Variants in SLC25A18 observed in about 807,000 individuals in gnomAD.
SLC25A18 encodes the protein mitochondrial glutamate carrier 2.
In SLC25A18, 24 loss-of-function variants were observed where a neutral mutation model predicts 31.1. The ratio of observed to expected loss-of-function variants is 0.77; its 90% CI spans 0.56 to 1.08. The LOEUF is 1.08. Among genes scored for constraint, SLC25A18 ranks in the 50% least tolerant of loss-of-function variants. SLC25A18 has a pLI of 0.00. For synonymous variants in SLC25A18, 173 were observed against 161.9 expected, an observed-to-expected ratio of 1.07 and a Z score of -0.52; for missense variants, 371 against 418.5, an observed-to-expected ratio of 0.89 and a Z score of 0.99.
At chr22:17,573,174 G>A (rs2057143090) in intron 2 of SLC25A18, among the ~76,000 whole-genome samples, 1 of 152,086 alleles carries the variant, frequency 6.6e-6, no homozygotes, top group South Asian at 2.1e-4. Flanking sequence ...TTTAAGAAAG[G>A]GAGCAGATGT....
chr22:17,587,634 C>T (rs1246547002), intron 8 of SLC25A18, among the ~76,000 whole-genome samples: 3 of 152,176 alleles, frequency 2.0e-5, no homozygotes, highest in Non-Finnish European at 4.4e-5. Flanking sequence ...CTTCCCTTAG[C>T]CTGCCTGCCC....
intron 2 of SLC25A18, among the ~76,000 whole-genome samples, chr22:17,577,834 G>A (rs1263580607): frequency 6.6e-6 from 1 of 151,088 alleles, no homozygotes; most frequent in East Asian, 2.0e-4. Flanking sequence ...CCGCCACCAT[G>A]CCCAGCCAAT....
intron 8 of SLC25A18, 25 bp from the exon 9 acceptor site, chr22:17,587,900 A>T (rs1051701993): frequency 6.2e-7 from 1 of 1,613,754 alleles, no homozygotes; most frequent in African/African-American, 1.3e-5. Flanking sequence ...CTCGGAGCTC[A>T]GTGTTTCTCC....
At chr22:17,566,253 T>G (rs1022955089) in intron 1 of SLC25A18, among the ~76,000 whole-genome samples, 6 of 152,132 alleles carry the variant, frequency 3.9e-5, no homozygotes, top group Non-Finnish European at 8.8e-5. Context: ...ACCTACCCCC[T>G]GCTTCTAACA....
chr22:17,586,886 C>G (rs1345435821), intron 7 of SLC25A18, among the ~76,000 whole-genome samples: 1 of 152,152 alleles, frequency 6.6e-6, no homozygotes, highest in Non-Finnish European at 1.5e-5. Flanking sequence ...AGCAAGCGGG[C>G]CAGGCTGTGG....
chr22:17,571,351 G>T (rs908978168), intron 2 of SLC25A18, among the ~76,000 whole-genome samples: 1 of 152,178 alleles, frequency 6.6e-6, no homozygotes, highest in South Asian at 2.1e-4. Flanking sequence ...CAGGAAGAAC[G>T]AAAAGCTATG....
intron 6 of SLC25A18, 31 bp from the exon 7 acceptor site, chr22:17,583,385 G>A (rs763367477): frequency 6.2e-6 from 10 of 1,613,132 alleles, no homozygotes; most frequent in South Asian, 4.4e-5. Context: ...TGTGGCCTGC[G>A]GCTGAAGGAG....
rs138756488 is a variant in SLC25A18, at chr22:17,579,698, C to A, written c.-200-47C>A. The A allele has an allele frequency of 7.7e-5, 101 of 1,317,138 alleles. No homozygotes were observed. The East Asian group carries it at 1.6e-3, about 20-fold the overall frequency. The allele number at this position is 1,317,138 out of a possible 1,614,324, so 81.6% of individuals were successfully genotyped here. A position where few individuals can be genotyped will look rare whatever the true frequency, so the allele number is the denominator to read the frequency against. On this transcript the variant is annotated intron_variant, in intron 2 of 10. Transcript: ENST00000327451. The stretch of plus-strand genomic sequence containing the variant: ...GCCGCATGAATCCACTAGTGACGTG[C>A]GTCCTCGCCCATCTGTGAGGTGAGT...
intron 1 of SLC25A18, among the ~76,000 whole-genome samples, chr22:17,567,873 AT>A (rs2056977329): frequency 6.6e-6 from 1 of 151,748 alleles, no homozygotes; most frequent in African/African-American, 2.4e-5. Flanking sequence ...TAGTAAGGCC[AT>A]TTTTATACTT....
At chr22:17,580,264 T>TA (rs754860146) in intron 3 of SLC25A18, 120 of 339,640 alleles carry the variant, frequency 3.5e-4, no homozygotes, top group Non-Finnish European at 5.7e-4. Flanking sequence ...AAAGGCCCAC[T>TA]ATCATCTACT....
intron 1 of SLC25A18, among the ~76,000 whole-genome samples, chr22:17,565,760 C>T (rs569053148): frequency 1.3e-5 from 2 of 151,972 alleles, no homozygotes; most frequent in South Asian, 2.1e-4. Flanking sequence ...CCAGCTTCTC[C>T]GGAGGCTGAG....
At chr22:17,580,090 C>G in intron 3 of SLC25A18, 126 bp downstream of exon 3, 1 of 834,640 alleles carries the variant, frequency 1.2e-6, no homozygotes, top group Non-Finnish European at 1.9e-6. Context: ...CCCCTGTCCC[C>G]CATATAACAT....
intron 2 of SLC25A18, among the ~76,000 whole-genome samples, chr22:17,577,281 C>T (rs983802089): frequency 5.3e-5 from 8 of 152,080 alleles, no homozygotes; most frequent in African/African-American, 1.9e-4. Context: ...CTCAGCCTCC[C>T]AAAGTGCTGG....
In SLC25A18 at chr22:17,565,715, A is replaced by G. The variant is rs1173898583; in HGVS notation, c.-264+2002A>G. Among the ~76,000 whole-genome samples the G allele has an allele frequency of 2.6e-5, 4 of 152,066 alleles. No individual in the cohort carries two copies. In the East Asian group the frequency reaches 7.8e-4, roughly 29 times the overall value. The stretch of plus-strand genomic sequence containing the variant: ...AAACCCCGTCTCTACTAAAAACACA[A>G]AATTAGCCGGGCATGATGGGGCATG... On this transcript the variant is annotated intron_variant, in intron 1 of 10. Transcript: ENST00000327451.
At chr22:17,565,905 C>G (rs185141979) in intron 1 of SLC25A18, among the ~76,000 whole-genome samples, 1 of 152,046 alleles carries the variant, frequency 6.6e-6, no homozygotes, top group Non-Finnish European at 1.5e-5. Context: ...GTTTCCCAGG[C>G]TGGTCTCAAA....
At chr22:17,584,392 CAAAA>C (rs2057463365) in intron 7 of SLC25A18, among the ~76,000 whole-genome samples, 1 of 93,440 alleles carries the variant, frequency 1.1e-5, no homozygotes, top group Non-Finnish European at 2.2e-5. Context: ...GACTCCATCT[CAAAA>C]AGAAAAGAAA....
At chr22:17,588,786 C>T (rs899388355) in intron 9 of SLC25A18, 2 of 152,030 alleles carry the variant, frequency 1.3e-5, no homozygotes, top group South Asian at 4.1e-4. Context: ...CCAACAGTAA[C>T]CTGGCCAGGT....
chr22:17,587,435 T>A (rs2057582647), intron 8 of SLC25A18, 134 bp downstream of exon 8: 1 of 1,197,752 alleles, frequency 8.3e-7, no homozygotes, highest in Non-Finnish European at 1.1e-6. Flanking sequence ...TTTCCATGCT[T>A]CCTGTTTTGT....
chr22:17,572,466 C>T (rs1174416173), intron 2 of SLC25A18, among the ~76,000 whole-genome samples: 5 of 129,712 alleles, frequency 3.9e-5, no homozygotes, highest in African/African-American at 6.2e-5. Context: ...GCCTGGGCAA[C>T]AAGAGCAAAA....
Sources: allele counts gnomAD v4.1 joint callset (sites outside exome capture counted in the v4.1 genomes callset), GRCh38; gene constraint gnomAD v4.1.1; transcripts MANE v1.5; gene names NCBI Gene and HGNC (gene_info 2026-07-23, HGNC 2026-07-21).